The following PACRG variants were observed in gnomAD, a reference collection of about 807,000 sequenced individuals.
PACRG encodes parkin coregulated.
PACRG carries 29 observed loss-of-function variants against 29.7 expected under a neutral mutation model. The ratio of observed to expected loss-of-function variants is 0.98; its 90% confidence interval spans 0.73 to 1.33. The LOEUF is 1.33. Ranked by LOEUF, PACRG falls within the 40% of genes most tolerant of loss-of-function variation. The probability of loss-of-function intolerance (pLI) is 0.00; values close to 1 mark genes in which losing one functional copy is unlikely to be tolerated. For synonymous variants in PACRG, 116 were observed against 118.7 expected (o/e 0.98, Z 0.15); for missense variants, 279 against 316.2 (o/e 0.88, Z 0.89).
chr6:162,792,146 G>C (rs553212034), intron 1 of PACRG, among the ~76,000 whole-genome samples: 8 of 152,246 alleles, frequency 5.3e-5, no homozygotes, highest in African/African-American at 1.9e-4. Context: ...GCTACATTGG[G>C]CTGCTGAGGC....
At chr6:163,247,696 C>T (rs1244844276) in intron 4 of PACRG, among the ~76,000 whole-genome samples, 2 of 152,126 alleles carry the variant, frequency 1.3e-5, no homozygotes, top group African/African-American at 2.4e-5. Context: ...TAGGACCCCC[C>T]TCCATAACAA....
chr6:163,099,250 T>C (rs1814868364), intron 4 of PACRG, among the ~76,000 whole-genome samples: 1 of 152,122 alleles, frequency 6.6e-6, no homozygotes, highest in Non-Finnish European at 1.5e-5. Context: ...GCCAGTGACA[T>C]CCCTCCTGCT....
intron 2 of PACRG, among the ~76,000 whole-genome samples, chr6:162,858,215 A>AG (rs1193134191): frequency 6.6e-5 from 10 of 152,164 alleles, no homozygotes; most frequent in African/African-American, 2.4e-4. Flanking sequence ...ATGGCGGGGG[A>AG]GGCCTCAGGA....
At chr6:163,154,808 A>G (rs1310801415) in intron 4 of PACRG, among the ~76,000 whole-genome samples, 1 of 152,222 alleles carries the variant, frequency 6.6e-6, no homozygotes, top group African/African-American at 2.4e-5. Flanking sequence ...TACAGGAAGA[A>G]CCACATGCCT....
intron 4 of PACRG, among the ~76,000 whole-genome samples, chr6:163,098,967 GC>G (rs1041264456): frequency 3.9e-5 from 6 of 152,160 alleles, no homozygotes; most frequent in African/African-American, 1.4e-4. Flanking sequence ...ATGGGTTTGG[GC>G]CGGCTTCTTT....
chr6:163,225,307 GT>G (rs1781744546), intron 4 of PACRG, among the ~76,000 whole-genome samples: 1 of 152,172 alleles, frequency 6.6e-6, no homozygotes, highest in Non-Finnish European at 1.5e-5. Flanking sequence ...GATCACAGGG[GT>G]GGTTACCCTC....
intron 1 of PACRG, among the ~76,000 whole-genome samples, chr6:162,785,906 C>A (rs1784433778): frequency 6.6e-6 from 1 of 152,174 alleles, no homozygotes; most frequent in Non-Finnish European, 1.5e-5. Context: ...GAGGGCAGGG[C>A]CAGGACCCGT....
intron 4 of PACRG, among the ~76,000 whole-genome samples, chr6:163,262,475 A>G (rs1405238035): frequency 6.6e-6 from 1 of 152,074 alleles, no homozygotes; most frequent in Admixed American, 6.6e-5. Flanking sequence ...GCAAGATTGG[A>G]ATATCTGATC....
chr6:162,860,577 T>C (rs1479965131), intron 2 of PACRG, among the ~76,000 whole-genome samples: 2 of 152,234 alleles, frequency 1.3e-5, no homozygotes, highest in Non-Finnish European at 2.9e-5. Flanking sequence ...TATTATTTTA[T>C]CTGCCCAAAA....
chr6:162,838,179 A>G (rs1584499190), intron 2 of PACRG, among the ~76,000 whole-genome samples: 1 of 152,166 alleles, frequency 6.6e-6, no homozygotes, highest in Non-Finnish European at 1.5e-5. Context: ...GTTTATGCCA[A>G]CTGCCGTAGA....
intron 2 of PACRG, among the ~76,000 whole-genome samples, chr6:162,818,055 T>G: frequency 6.6e-6 from 1 of 152,274 alleles, no homozygotes; most frequent in Admixed American, 6.5e-5. Flanking sequence ...TAAATATCAC[T>G]AAAGAATTCT....
Position 163,095,144 on chromosome 6 carries a change from G to A in PACRG, c.613+5736G>A, listed in dbSNP as rs144567978. Among the ~76,000 whole-genome samples the A allele has an allele frequency of 6.8e-3, 1,030 of 152,190 alleles. 11 individuals carry two copies. The highest frequency in any genetic ancestry group is 0.024 in the African/African-American group (985 of 41,522). ...CCTCCCTCACCTGATGCCCCCACGCGTGGTCAGCCCATAAAGACCTCTTTA... is the reference window on the plus strand; with the variant it reads ...CCTCCCTCACCTGATGCCCCCACGCATGGTCAGCCCATAAAGACCTCTTTA... On this transcript the variant is annotated intron_variant, in intron 4 of 4. Coordinates refer to ENST00000366888, the MANE Select transcript of PACRG (RefSeq NM_001080379.2).
chr6:162,896,601 T>C lies in PACRG; in HGVS notation c.291+82320T>C, dbSNP rs184101382. Among the ~76,000 whole-genome samples the C allele has an allele frequency of 1.1e-4, 17 of 152,346 alleles. No homozygotes were observed. The East Asian group carries it at 3.3e-3, about 29-fold the overall frequency. On this transcript the variant is annotated intron_variant, in intron 2 of 4. Transcript: ENST00000366888. ...GAAAACTATGATAGGAAGGTTGTGT[T>C]CTCATCAATAATGCAGGGTATATTA...
intron 4 of PACRG, among the ~76,000 whole-genome samples, chr6:163,159,073 C>T (rs1392943378): frequency 2.6e-5 from 4 of 152,132 alleles, no homozygotes; most frequent in Non-Finnish European, 5.9e-5. Flanking sequence ...AGTCACAGAT[C>T]TCCTGCTTCC....
chr6:162,980,364 G>A (rs1270366228), intron 2 of PACRG, among the ~76,000 whole-genome samples: 1 of 151,950 alleles, frequency 6.6e-6, no homozygotes, highest in Non-Finnish European at 1.5e-5. Flanking sequence ...TATTCCTCTG[G>A]CTTTTCAGTA....
chr6:163,224,868 G>A (rs1053040250), intron 4 of PACRG, among the ~76,000 whole-genome samples: 2 of 152,032 alleles, frequency 1.3e-5, no homozygotes. Context: ...AAACTAAAAA[G>A]CTTCTGTACA....
At chr6:163,286,202 G>A (rs1395213542) in intron 4 of PACRG, among the ~76,000 whole-genome samples, 1 of 152,194 alleles carries the variant, frequency 6.6e-6, no homozygotes, top group African/African-American at 2.4e-5. Context: ...CAGACTGAAT[G>A]ATGAGCTCAC....
At chr6:163,255,354 GACCT>G (rs1197403087) in intron 4 of PACRG, among the ~76,000 whole-genome samples, 2 of 152,180 alleles carry the variant, frequency 1.3e-5, no homozygotes, top group Non-Finnish European at 2.9e-5. Flanking sequence ...GCAGGCAGGT[GACCT>G]GAATCCAGGT....
chr6:163,045,572 C>T (rs579834), intron 2 of PACRG, among the ~76,000 whole-genome samples: 62,427 of 149,702 alleles, frequency 0.42, 14,235 homozygotes, highest in East Asian at 0.7. Flanking sequence ...ATCCACCCAC[C>T]TTGGCCTCCC....
Sources: allele counts gnomAD v4.1 joint callset (sites outside exome capture counted in the v4.1 genomes callset), GRCh38; gene constraint gnomAD v4.1.1; transcripts MANE v1.5; gene names NCBI Gene and HGNC (gene_info 2026-07-23, HGNC 2026-07-21).